The following CORO2B variants were observed in gnomAD, a reference collection of about 807,000 sequenced individuals.
The protein encoded by CORO2B is coronin 2B, also known as coronin-2B.
A neutral mutation model predicts 58.8 loss-of-function variants in CORO2B; 26 were observed. That is an observed-to-expected ratio of 0.44 (90% confidence interval 0.32 to 0.61). The LOEUF is 0.61. CORO2B is among the 20% of genes least tolerant of loss of function. The probability of loss-of-function intolerance (pLI) is 0.04; values close to 1 mark genes in which losing one functional copy is unlikely to be tolerated. For synonymous variants in CORO2B, 242 were observed against 253.8 expected (o/e 0.95, Z 0.44); for missense variants, 460 against 645.1 (o/e 0.71, Z 3.11).
chr15:68,691,299 C>A (rs1262579710), intron 2 of CORO2B, among the ~76,000 whole-genome samples: 2 of 134,834 alleles, frequency 1.5e-5, no homozygotes, highest in African/African-American at 2.8e-5. Context: ...CACTGCACTC[C>A]AGCCTGGGAG....
chr15:68,552,826 T>C, the CORO2B span, among the ~76,000 whole-genome samples: 1 of 152,138 alleles, frequency 6.6e-6, no homozygotes, highest in Non-Finnish European at 1.5e-5. Flanking sequence ...ACCTATTGGA[T>C]TGCTGGGGTC....
At chr15:68,662,225 C>T (rs1902039146) in intron 2 of CORO2B, among the ~76,000 whole-genome samples, 2 of 152,092 alleles carry the variant, frequency 1.3e-5, no homozygotes, top group East Asian at 1.9e-4. Context: ...GACTTTAGAT[C>T]GTTCAACTTC....
intron 3 of CORO2B, among the ~76,000 whole-genome samples, chr15:68,697,231 T>A (rs924664039): frequency 6.6e-6 from 1 of 151,984 alleles, no homozygotes; most frequent in Non-Finnish European, 1.5e-5. Flanking sequence ...GATGGATGGA[T>A]GGATGGATGG....
At chr15:68,549,445 C>T in the CORO2B span, among the ~76,000 whole-genome samples, 2 of 152,032 alleles carry the variant, frequency 1.3e-5, no homozygotes, top group Admixed American at 6.6e-5. Context: ...TGTCTGTTCT[C>T]GTGGTACCAA....
chr15:68,662,226 G>A (rs1040113722), intron 2 of CORO2B, among the ~76,000 whole-genome samples: 2 of 151,952 alleles, frequency 1.3e-5, no homozygotes, highest in African/African-American at 2.4e-5. Context: ...ACTTTAGATC[G>A]TTCAACTTCC....
upstream of CORO2B, among the ~76,000 whole-genome samples, chr15:68,575,419 C>G (rs1022620295): frequency 1.1e-5 from 1 of 92,658 alleles, no homozygotes; most frequent in African/African-American, 3.8e-5. Context: ...CTCACTGCAA[C>G]CTCCGCCTCC....
At chr15:68,588,559 T>A (rs952587895) in intron 1 of CORO2B, among the ~76,000 whole-genome samples, 3 of 152,204 alleles carry the variant, frequency 2.0e-5, no homozygotes, top group African/African-American at 7.2e-5. Flanking sequence ...CCTGGGTCCC[T>A]GGGCAGAAAG....
At chr15:68,594,237 G>A (rs1034172495) in intron 1 of CORO2B, among the ~76,000 whole-genome samples, 2 of 152,230 alleles carry the variant, frequency 1.3e-5, no homozygotes, top group Non-Finnish European at 2.9e-5. Flanking sequence ...CATAGGTGGT[G>A]CCTGTCTGTG....
intron 3 of CORO2B, among the ~76,000 whole-genome samples, chr15:68,699,266 C>T (rs1000364612): frequency 2.0e-5 from 3 of 152,024 alleles, no homozygotes; most frequent in African/African-American, 7.3e-5. Flanking sequence ...AACTTTGCAG[C>T]GAGACTTGTG....
At chr15:68,597,665 C>G (rs1899874029) in intron 1 of CORO2B, among the ~76,000 whole-genome samples, 1 of 152,022 alleles carries the variant, frequency 6.6e-6, no homozygotes, top group Non-Finnish European at 1.5e-5. Flanking sequence ...ATAAAAAAGA[C>G]CAAACGAACA....
At chr15:68,530,725 G>A in the CORO2B span, among the ~76,000 whole-genome samples, 1 of 152,086 alleles carries the variant, frequency 6.6e-6, no homozygotes, top group African/African-American at 2.4e-5. Flanking sequence ...CTTATGTCTA[G>A]TGATATTCTT....
the CORO2B span, among the ~76,000 whole-genome samples, chr15:68,538,238 G>A: frequency 2.0e-5 from 3 of 152,160 alleles, no homozygotes; most frequent in East Asian, 5.8e-4. Context: ...TGAGATTCCT[G>A]GTGTGTGTGG....
the CORO2B span, among the ~76,000 whole-genome samples, chr15:68,520,552 C>T: frequency 2.0e-5 from 3 of 152,336 alleles, no homozygotes; most frequent in Non-Finnish European, 2.9e-5. Flanking sequence ...TTGCCTTAAA[C>T]TCTACTTTCT....
rs149039069 is a variant in CORO2B at position 68,675,473 on chromosome 15, T to C, written c.217-19667T>C. ...GGGGTATCCTGTGTCTGGAAAGAAA[T>C]GGGGACTTGAGGAGGTAGGAGGTGA... On this transcript the variant is annotated intron_variant, in intron 2 of 11. Coordinates refer to ENST00000261861, the MANE Select transcript of CORO2B (RefSeq NM_006091.5). 1.6e-3 allele frequency among the ~76,000 whole-genome samples: 251 copies of C among 152,138 alleles called. 1 individual carries two copies. The highest frequency in any genetic ancestry group is 5.8e-3 in the African/African-American group (239 of 41,524).
At chr15:68,597,472 A>G (rs1899863832) in intron 1 of CORO2B, among the ~76,000 whole-genome samples, 1 of 152,090 alleles carries the variant, frequency 6.6e-6, no homozygotes, top group Admixed American at 6.6e-5. Context: ...GGGGTTAAGC[A>G]GCATGCCCCA....
intron 8 of CORO2B, among the ~76,000 whole-genome samples, chr15:68,715,551 C>T (rs779618213): frequency 3.3e-5 from 5 of 152,244 alleles, no homozygotes; most frequent in South Asian, 2.1e-4. Context: ...ATGTGCTCTG[C>T]GTCTGCACTC....
chr15:68,596,210 C>G (rs1899826245), intron 1 of CORO2B, among the ~76,000 whole-genome samples: 1 of 152,058 alleles, frequency 6.6e-6, no homozygotes, highest in South Asian at 2.1e-4. Flanking sequence ...TGCCCGTGAC[C>G]CTAGGTGATG....
At chr15:68,705,782 C>A (rs144004715) in intron 3 of CORO2B, among the ~76,000 whole-genome samples, 225 of 152,292 alleles carry the variant, frequency 1.5e-3, no homozygotes, top group African/African-American at 5.2e-3. Context: ...GCTCATGTAT[C>A]TAGAAGGCTT....
In CORO2B at chr15:68,719,479, T is replaced by C. The variant is rs376740273; in HGVS notation, c.1238T>C (p.Ile413Thr). 5 of 1,613,950 alleles carry C rather than the reference T, an allele frequency of 3.1e-6. No homozygotes were observed. The highest frequency in any genetic ancestry group is 4.2e-6 in the Non-Finnish European group (5 of 1,180,014). ...KSSKMVFKAP[I>T]KEKKSVVVNG... The stretch of plus-strand genomic sequence containing the variant: ...TCAAAAATGGTATTTAAGGCTCCCA[T>C]CAAAGAAAAGAAGAGTGTTGTGGTC... The change falls in exon 11 of 12, where the codon ATC becomes ACC. Residue 413 changes from isoleucine (I) to threonine (T), a missense_variant. Ile to Thr is a moderately conservative substitution (Grantham distance 89, BLOSUM62 -1). This residue lies in a region of CORO2B where 108 missense variants were observed against 102.1 expected (regional missense o/e 1.06). Transcript: ENST00000261861.
Sources: allele counts gnomAD v4.1 joint callset (sites outside exome capture counted in the v4.1 genomes callset), GRCh38; gene constraint gnomAD v4.1.1; regional missense constraint gnomAD v4.1.1; transcripts MANE v1.5; gene names NCBI Gene and HGNC (gene_info 2026-07-23, HGNC 2026-07-21).